KIF1B: variants seen among roughly 807,000 people sequenced by gnomAD.
KIF1B encodes the protein kinesin family member 1B, also known as kinesin-like protein KIF1B.
A neutral mutation model predicts 241.9 loss-of-function variants in KIF1B; 76 were observed. The observed-to-expected ratio is 0.31, with a 90% CI of 0.26 to 0.38. The LOEUF is 0.38. KIF1B is among the 10% of genes least tolerant of loss of function. KIF1B has a pLI of 1.00. For missense variants in KIF1B, 1,622 were observed against 2,271.4 expected, an observed-to-expected ratio of 0.71 and a Z score of 5.81; for synonymous variants, 750 against 796.7, an observed-to-expected ratio of 0.94 and a Z score of 0.99.
In KIF1B at chr1:10,368,530, G is replaced by C. The variant is rs780601677; in HGVS notation, c.4816G>C (p.Asp1606His). Reference sequence around the variant, plus strand: ...CAGCCAGGTGCACGGCAGCGTCAGTGACTGTAAGGTGAGCACATTGACTGT... The same window carrying C: ...CAGCCAGGTGCACGGCAGCGTCAGTCACTGTAAGGTGAGCACATTGACTGT... ...EFSQVHGSVS[D>H]CKLSDISPIG... The change falls in exon 44 of 49, where the codon GAC (aspartate) becomes CAC (histidine). Residue 1606 changes from aspartate (D) to histidine (H), a missense_variant. Physicochemically the swap from Asp to His is moderately conservative, Grantham distance 81 (BLOSUM62 -1). This residue lies in a region of KIF1B where 357 missense variants were observed against 409.0 expected (regional missense o/e 0.87). Transcript: ENST00000676179. 1 of 1,613,722 alleles carries C rather than the reference G, an allele frequency of 6.2e-7. No homozygotes were observed. Among genetic ancestry groups the C allele is most frequent in the Admixed American group, 1.7e-5 (1 of 60,016 alleles).
In KIF1B at chr1:10,220,257, A is replaced by G. The variant is rs1286588977; in HGVS notation, c.-80+9379A>G. 4.0e-5 allele frequency among the ~76,000 whole-genome samples: 6 copies of G among 151,592 alleles called. No homozygotes were observed. The East Asian group carries it at 7.7e-4, about 20-fold the overall frequency. On this transcript the variant is annotated intron_variant, in intron 1 of 48. Coordinates refer to ENST00000676179, the MANE Select transcript of KIF1B (RefSeq NM_001365951.3). Reference sequence around the variant, plus strand: ...GTGGTGGCATGTGCCTGTAGTCCCAATAACTCCAGAGGCTGAGGGAGGAGG... The same window carrying G: ...GTGGTGGCATGTGCCTGTAGTCCCAGTAACTCCAGAGGCTGAGGGAGGAGG...
chr1:10,312,387 T>G (rs1338130601), intron 22 of KIF1B, among the ~76,000 whole-genome samples: 1 of 151,510 alleles, frequency 6.6e-6, no homozygotes, highest in Non-Finnish European at 1.5e-5. Context: ...GACAGCCTCA[T>G]GACCATTCTT....
At chr1:10,249,053 A>C (rs1192759404) in intron 2 of KIF1B, among the ~76,000 whole-genome samples, 3 of 152,242 alleles carry the variant, frequency 2.0e-5, no homozygotes, top group Non-Finnish European at 4.4e-5. Flanking sequence ...ATATTCCTGG[A>C]GTCCATTCTT....
At chr1:10,289,553 C>A (rs1211455948) in intron 15 of KIF1B, among the ~76,000 whole-genome samples, 1 of 152,090 alleles carries the variant, frequency 6.6e-6, no homozygotes, top group Non-Finnish European at 1.5e-5. Context: ...GGAGCACTTG[C>A]CACTATCTGA....
chr1:10,324,186 A>C, intron 25 of KIF1B, 124 bp downstream of exon 25: 1 of 971,920 alleles, frequency 1.0e-6, no homozygotes, highest in East Asian at 2.4e-5. Flanking sequence ...TACTTTCTAA[A>C]TGCTGTTGTT....
At chr1:10,275,316 G>T in intron 10 of KIF1B, 112 bp from the exon 11 acceptor site, 1 of 704,356 alleles carries the variant, frequency 1.4e-6, no homozygotes. Context: ...CTTCCACAGT[G>T]TCGGGGTTGT....
intron 5 of KIF1B, 106 bp downstream of exon 5, chr1:10,262,076 C>A: frequency 1.2e-6 from 1 of 807,400 alleles, no homozygotes; most frequent in Non-Finnish European, 2.2e-6. Context: ...CTTCACCATT[C>A]CTTCATTTTT....
Position 10,371,252 on chromosome 1 carries a change from C to G in KIF1B, c.4936C>G (p.Leu1646Val). ...TCTGGTAGACTCTAGGAGCAACTCT[C>G]TGGATCAGAAGTAAGTACCCAGATT... Reference protein sequence around the residue: ...PSLVDSRSNSLDQKTPEANSR... With the variant: ...PSLVDSRSNSVDQKTPEANSR... Residue 1646 changes from leucine to valine, a missense_variant, in exon 45 of 49, where the codon CTG (leucine) becomes GTG (valine). Physicochemically the swap from Leu to Val is conservative, Grantham distance 32 (BLOSUM62 1). Transcript: ENST00000676179. The G allele has an allele frequency of 1.9e-6, 3 of 1,614,184 alleles. No individual in the cohort carries two copies. In the South Asian group the frequency reaches 3.3e-5, roughly 18 times the overall value.
intron 1 of KIF1B, among the ~76,000 whole-genome samples, chr1:10,219,581 C>T (rs1247135747): frequency 6.8e-6 from 1 of 146,966 alleles, no homozygotes; most frequent in Non-Finnish European, 1.5e-5. Flanking sequence ...ACATGGAGAA[C>T]CCCATCTCTA....
intron 38 of KIF1B, chr1:10,355,521 A>T (rs988687121): frequency 2.6e-5 from 4 of 152,616 alleles, no homozygotes; most frequent in Non-Finnish European, 5.9e-5. Context: ...CCTAGGATAG[A>T]GTAGACCCTG....
chr1:10,359,312 G>C (rs1638347536), intron 38 of KIF1B, among the ~76,000 whole-genome samples: 1 of 151,900 alleles, frequency 6.6e-6, no homozygotes, highest in African/African-American at 2.4e-5. Context: ...TCTTCTAGGT[G>C]AATCAGGTGA....
At chr1:10,366,357 ATG>A (rs1327513241) in intron 43 of KIF1B, among the ~76,000 whole-genome samples, 3 of 152,218 alleles carry the variant, frequency 2.0e-5, no homozygotes, top group Non-Finnish European at 4.4e-5. Context: ...AGAAGTGTCT[ATG>A]GTGGGGAGCT....
chr1:10,303,179 G>C lies in KIF1B; in HGVS notation c.2115+5933G>C. ...TTTCCAAAGGACGCGGATTCTGATAGCGGGGACGATTCTGACAAGAGGTCG... is the reference window on the plus strand; with the variant it reads ...TTTCCAAAGGACGCGGATTCTGATACCGGGGACGATTCTGACAAGAGGTCG... On this transcript the variant is annotated intron_variant, in intron 22 of 48. Transcript: ENST00000676179. The surrounding 1 kb of genome is among the most constrained non-coding windows in gnomAD (Gnocchi z 5.2). 6.2e-7 allele frequency: 1 copy of C among 1,613,314 alleles called. No individual in the cohort carries two copies. Among genetic ancestry groups the C allele is most frequent in the Non-Finnish European group, 8.5e-7 (1 of 1,179,646 alleles).
intron 37 of KIF1B, among the ~76,000 whole-genome samples, chr1:10,352,274 A>G (rs2102334434): frequency 6.6e-6 from 1 of 151,782 alleles, no homozygotes; most frequent in Middle Eastern, 3.4e-3. Context: ...AGTTGCTGTT[A>G]GGTGAGAGTG....
intron 1 of KIF1B, among the ~76,000 whole-genome samples, chr1:10,224,117 TTTTG>T (rs1004653918): frequency 2.6e-5 from 4 of 151,910 alleles, no homozygotes; most frequent in East Asian, 1.9e-4. Context: ...TGACCGTGGT[TTTTG>T]TTTGTTTGTT....
chr1:10,223,247 C>CT (rs1477593688), intron 1 of KIF1B, among the ~76,000 whole-genome samples: 1 of 152,130 alleles, frequency 6.6e-6, no homozygotes, highest in Non-Finnish European at 1.5e-5. Context: ...GAGCAAGACT[C>CT]TGTCTCAAAA....
At chr1:10,314,286 T>C (rs953269646) in intron 22 of KIF1B, among the ~76,000 whole-genome samples, 1 of 151,572 alleles carries the variant, frequency 6.6e-6, no homozygotes, top group Non-Finnish European at 1.5e-5. Flanking sequence ...TTGTGGGAAA[T>C]GGTGATGATA....
At chr1:10,330,226 A>G (rs1417003764) in intron 27 of KIF1B, among the ~76,000 whole-genome samples, 1 of 152,214 alleles carries the variant, frequency 6.6e-6, no homozygotes, top group Non-Finnish European at 1.5e-5. Flanking sequence ...TTTATATAGC[A>G]TTGATTTGGA....
chr1:10,347,823 A>G lies in KIF1B; in HGVS notation c.3860A>G (p.His1287Arg), dbSNP rs770760933. 7 of 1,612,636 alleles carry G rather than the reference A, an allele frequency of 4.3e-6. No homozygotes were observed. In the South Asian group the frequency reaches 4.4e-5, roughly 10 times the overall value. Residue 1287 changes from histidine (H) to arginine (R), a missense_variant, in exon 36 of 49, where the codon CAT becomes CGT. Physicochemically the swap from His to Arg is conservative, Grantham distance 29 (BLOSUM62 0). This residue lies in a region of KIF1B where 803 missense variants were observed against 1,112.0 expected (regional missense o/e 0.72). Coordinates refer to ENST00000676179, the MANE Select transcript of KIF1B (RefSeq NM_001365951.3). ...CCTTGCCAGGGGACATTTTTGCTTCATCAGGTACTAATGAGGGACCAAAAC... is the reference window on the plus strand; with the variant it reads ...CCTTGCCAGGGGACATTTTTGCTTCGTCAGGTACTAATGAGGGACCAAAAC... ...GLPCQGTFLL[H>R]QGIQRRITVT... is the part of the protein sequence containing the mutation.
Sources: allele counts gnomAD v4.1 joint callset (sites outside exome capture counted in the v4.1 genomes callset), GRCh38; gene constraint gnomAD v4.1.1; regional missense constraint gnomAD v4.1.1; non-coding constraint Gnocchi (gnomAD v3.1); transcripts MANE v1.5; gene names NCBI Gene and HGNC (gene_info 2026-07-23, HGNC 2026-07-21).